Variants in UTP18 observed in about 807,000 individuals in gnomAD.
UTP18 encodes U3 small nucleolar RNA-associated protein 18 homolog.
UTP18 carries 36 observed loss-of-function variants against 61.1 expected under a neutral mutation model. That is an observed-to-expected ratio of 0.59 (90% CI 0.45 to 0.78). The LOEUF is 0.78. Ranked by LOEUF, UTP18 falls within the 30% of genes least tolerant of loss-of-function variation. The pLI, the probability that UTP18 is intolerant of heterozygous loss-of-function variation, is 0.00. For synonymous variants in UTP18, 282 were observed against 251.1 expected, an observed-to-expected ratio of 1.12 and a Z score of -1.16; for missense variants, 753 against 693.9, an observed-to-expected ratio of 1.09 and a Z score of -0.96.
At chr17:51,275,073 TGTAATCCCAGCTACTTGGGAGGCTGAG>T (rs2144411746) in intron 5 of UTP18, among the ~76,000 whole-genome samples, 1 of 151,918 alleles carries the variant, frequency 6.6e-6, no homozygotes, top group Non-Finnish European at 1.5e-5. Context: ...GGCACATGTC[TGTAATCCCAGCTACTTGGGAGGCTGAG>T]GCAGGAGAAT....
intron 9 of UTP18, among the ~76,000 whole-genome samples, chr17:51,281,741 A>G (rs1487218272): frequency 2.0e-5 from 3 of 152,238 alleles, no homozygotes; most frequent in Admixed American, 6.5e-5. Flanking sequence ...CTGGTAAAGT[A>G]AAGAGTACAC....
chr17:51,286,342 G>GT (rs1905113829), intron 10 of UTP18: 2 of 374,740 alleles, frequency 5.3e-6, no homozygotes, highest in Non-Finnish European at 1.1e-5. Context: ...CAAGAAGTAG[G>GT]TTTTTGTGAT....
At position 51,268,014 on chromosome 17, in the gene UTP18, G is replaced by GT. The variant is rs895927915; in HGVS notation, c.555-810dup. ...GTTGTTTTTTTGTTTTTTGTTTTTT[G>GT]TTTTTTTTTTTTTGAGATGGAGCCT... On this transcript the variant is annotated intron_variant, in intron 3 of 13. Coordinates refer to ENST00000225298, the MANE Select transcript of UTP18 (RefSeq NM_016001.3). Among the ~76,000 whole-genome samples, 520 of 127,018 alleles carry GT rather than the reference G, an allele frequency of 4.1e-3. 10 individuals carry two copies. Among genetic ancestry groups the GT allele is most frequent in the African/African-American group, 0.011 (378 of 33,208 alleles). The allele number at this position is 127,018 out of a possible 152,430, so 83.3% of individuals were successfully genotyped here. A position where few individuals can be genotyped will look rare whatever the true frequency, so the allele number is the denominator to read the frequency against.
At chr17:51,281,861 A>G (rs1904938999) in intron 9 of UTP18, among the ~76,000 whole-genome samples, 1 of 152,272 alleles carries the variant, frequency 6.6e-6, no homozygotes, top group African/African-American at 2.4e-5. Context: ...TTAAAAAAAG[A>G]TGATTCATTT....
intron 5 of UTP18, among the ~76,000 whole-genome samples, chr17:51,273,775 T>TAAATAAATAAATG: frequency 1.5e-5 from 1 of 68,826 alleles, no homozygotes. Context: ...ATAAATAAAT[T>TAAATAAATAAATG]TTCCAGTAAT....
At chr17:51,263,154 A>G (rs967586489) in intron 1 of UTP18, 120 bp from the exon 2 acceptor site, 11 of 774,638 alleles carry the variant, frequency 1.4e-5, no homozygotes, top group Non-Finnish European at 2.1e-5. Flanking sequence ...ATTCCATCCC[A>G]TTATTTCATC....
At chr17:51,284,180 G>C (rs1905036749) in intron 9 of UTP18, among the ~76,000 whole-genome samples, 1 of 152,194 alleles carries the variant, frequency 6.6e-6, no homozygotes, top group Non-Finnish European at 1.5e-5. Context: ...TTATTTGTTA[G>C]GGAGTTGAAA....
chr17:51,272,711 C>T (rs950487671), intron 4 of UTP18, among the ~76,000 whole-genome samples: 1 of 152,138 alleles, frequency 6.6e-6, no homozygotes. Context: ...TCTTTGATTT[C>T]GTCTTTAATC....
intron 7 of UTP18, 27 bp from the exon 8 acceptor site, chr17:51,279,974 CTTTA>C (rs1567702931): frequency 6.5e-7 from 1 of 1,543,522 alleles, no homozygotes; most frequent in Non-Finnish European, 8.9e-7. Flanking sequence ...CTATATAAAA[CTTTA>C]TTTAATTGCT....
rs193143298 is a variant in UTP18 at position 51,282,810 on chromosome 17, G to A, written c.1204+2331G>A. Among the ~76,000 whole-genome samples the A allele has an allele frequency of 2.9e-4, 44 of 151,442 alleles. 1 individual carries two copies. The East Asian group carries it at 8.3e-3, about 29-fold the overall frequency. ...GGTAAGTTAGGGGTAATTTTGAAATGTTGATGGTTCTCTTCCTCTCTCTCC... is the reference window on the plus strand; with the variant it reads ...GGTAAGTTAGGGGTAATTTTGAAATATTGATGGTTCTCTTCCTCTCTCTCC... On this transcript the variant is annotated intron_variant, in intron 9 of 13. Transcript: ENST00000225298.
chr17:51,284,051 A>T (rs1056651779), intron 9 of UTP18, among the ~76,000 whole-genome samples: 1 of 152,212 alleles, frequency 6.6e-6, no homozygotes, highest in Non-Finnish European at 1.5e-5. Flanking sequence ...TTCCTTTATT[A>T]TAACATTAAT....
intron 9 of UTP18, among the ~76,000 whole-genome samples, chr17:51,281,038 C>T (rs1186113542): frequency 6.6e-6 from 1 of 151,448 alleles, no homozygotes; most frequent in Non-Finnish European, 1.5e-5. Flanking sequence ...ATTAGCCAGG[C>T]ATGCTGGCGC....
chr17:51,273,973 T>A (rs1173737156), intron 5 of UTP18, among the ~76,000 whole-genome samples: 1 of 152,204 alleles, frequency 6.6e-6, no homozygotes, highest in African/African-American at 2.4e-5. Flanking sequence ...TCAGGTCATG[T>A]CACTTTTCAT....
At chr17:51,276,117 A>T (rs956202751) in intron 6 of UTP18, 126 bp downstream of exon 6, 3 of 975,392 alleles carry the variant, frequency 3.1e-6, no homozygotes, top group African/African-American at 1.7e-5. Flanking sequence ...AGCCCGAAGC[A>T]TAGCTAAGTC....
chr17:51,295,123 C>T (rs1056873903), intron 12 of UTP18, among the ~76,000 whole-genome samples: 32 of 152,096 alleles, frequency 2.1e-4, no homozygotes, highest in African/African-American at 4.1e-4. Context: ...GAGTAGGTTG[C>T]GACAATTTTC....
intron 11 of UTP18, among the ~76,000 whole-genome samples, chr17:51,293,406 GGTACAGT>G (rs1905282078): frequency 6.6e-6 from 1 of 152,154 alleles, no homozygotes; most frequent in Non-Finnish European, 1.5e-5. Context: ...TTATCTGATG[GGTACAGT>G]GTACATCAAT....
chr17:51,288,262 C>A, intron 11 of UTP18, 59 bp downstream of exon 11: 3 of 1,433,506 alleles, frequency 2.1e-6, no homozygotes, highest in Non-Finnish European at 2.8e-6. Flanking sequence ...TGAAAACATG[C>A]AAGAGTAACA....
intron 11 of UTP18, among the ~76,000 whole-genome samples, chr17:51,290,148 G>A (rs1245701242): frequency 6.8e-6 from 1 of 147,446 alleles, no homozygotes; most frequent in Admixed American, 6.6e-5. Flanking sequence ...GGGCACGGTG[G>A]CTCAGACCTG....
At chr17:51,290,330 G>T (rs1905210630) in intron 11 of UTP18, among the ~76,000 whole-genome samples, 1 of 152,036 alleles carries the variant, frequency 6.6e-6, no homozygotes, top group Non-Finnish European at 1.5e-5. Context: ...GCAGGAGAAT[G>T]GCTTGAGCCT....
Sources: gnomAD v4.1 joint callset for allele counts (sites outside exome capture counted in the v4.1 genomes callset) on GRCh38, gnomAD v4.1.1 for gene constraint, MANE v1.5 for transcripts, NCBI Gene and HGNC (gene_info 2026-07-23, HGNC 2026-07-21) for gene names.